The following HEMK2 variants were observed in gnomAD, a reference collection of about 807,000 sequenced individuals.
HEMK2 encodes the protein methyltransferase HEMK2.
the HEMK2 span, among the ~76,000 whole-genome samples, chr21:28,576,654 C>A: frequency 6.6e-6 from 1 of 152,052 alleles, no homozygotes; most frequent in Non-Finnish European, 1.5e-5. Context: ...TATGAAGATG[C>A]ACTCTAATGT....
At chr21:28,873,748 T>C in the HEMK2 span, 7 of 152,214 alleles carry the variant, frequency 4.6e-5, no homozygotes, top group African/African-American at 1.7e-4. Context: ...CATTTGTCTA[T>C]TGAGTTAGAG....
chr21:28,753,769 C>T, the HEMK2 span, among the ~76,000 whole-genome samples: 17 of 152,258 alleles, frequency 1.1e-4, no homozygotes, highest in East Asian at 2.9e-3. Flanking sequence ...TTATGAAATT[C>T]TTTTCTATAA....
the HEMK2 span, among the ~76,000 whole-genome samples, chr21:28,718,805 A>T: frequency 6.6e-6 from 1 of 152,178 alleles, no homozygotes; most frequent in African/African-American, 2.4e-5. Context: ...CAAAAGAGAT[A>T]AAAGGTGAGG....
At chr21:28,877,850 A>G in the HEMK2 span, among the ~76,000 whole-genome samples, 57 of 152,360 alleles carry the variant, frequency 3.7e-4, 2 homozygotes, top group Middle Eastern at 0.01. Flanking sequence ...ACTAAAGAGT[A>G]CAGCACAATT....
At chr21:28,751,660 C>T in the HEMK2 span, among the ~76,000 whole-genome samples, 2 of 152,104 alleles carry the variant, frequency 1.3e-5, no homozygotes, top group Admixed American at 6.6e-5. Flanking sequence ...TTCAGAACCA[C>T]CATAAGCAAA....
chr21:28,863,718 T>C, the HEMK2 span, among the ~76,000 whole-genome samples: 1 of 152,152 alleles, frequency 6.6e-6, no homozygotes, highest in African/African-American at 2.4e-5. Flanking sequence ...GGAGAGACTG[T>C]CTGTCATTTC....
At chr21:28,705,033 G>A in the HEMK2 span, among the ~76,000 whole-genome samples, 1 of 152,050 alleles carries the variant, frequency 6.6e-6, no homozygotes, top group Non-Finnish European at 1.5e-5. Flanking sequence ...TCTCCCTCTA[G>A]GCATCTTTGG....
At chr21:28,672,355 A>G in the HEMK2 span, among the ~76,000 whole-genome samples, 3 of 152,008 alleles carry the variant, frequency 2.0e-5, no homozygotes, top group Admixed American at 1.3e-4. Flanking sequence ...GATGTAGAAA[A>G]TGGTATTGAC....
the HEMK2 span, among the ~76,000 whole-genome samples, chr21:28,783,075 T>G: frequency 6.6e-6 from 1 of 152,232 alleles, no homozygotes; most frequent in Non-Finnish European, 1.5e-5. Context: ...ATTTTGGATT[T>G]TTTTCAGATT....
At chr21:28,754,778 G>A in the HEMK2 span, among the ~76,000 whole-genome samples, 1 of 152,090 alleles carries the variant, frequency 6.6e-6, no homozygotes, top group Non-Finnish European at 1.5e-5. Context: ...ACTTTGTTGG[G>A]CTTAACAGGG....
chr21:28,748,328 A>G, the HEMK2 span, among the ~76,000 whole-genome samples: 12 of 152,250 alleles, frequency 7.9e-5, no homozygotes. Context: ...AAGAATATAA[A>G]TTAATAATGA....
chr21:28,637,882 A>T, the HEMK2 span, among the ~76,000 whole-genome samples: 1 of 152,226 alleles, frequency 6.6e-6, no homozygotes, highest in African/African-American at 2.4e-5. Flanking sequence ...TGAATCCATA[A>T]AGTATATCTC....
the HEMK2 span, among the ~76,000 whole-genome samples, chr21:28,655,494 T>C: frequency 6.6e-6 from 1 of 152,164 alleles, no homozygotes; most frequent in Non-Finnish European, 1.5e-5. Flanking sequence ...CTCAATTGAA[T>C]TAAAAACTCT....
the HEMK2 span, among the ~76,000 whole-genome samples, chr21:28,788,326 G>A: frequency 2.0e-5 from 3 of 150,612 alleles, no homozygotes; most frequent in Non-Finnish European, 3.0e-5. Context: ...ATACATATAT[G>A]ATGGAATACT....
the HEMK2 span, among the ~76,000 whole-genome samples, chr21:28,787,614 A>G: frequency 2.0e-5 from 3 of 152,212 alleles, no homozygotes; most frequent in Non-Finnish European, 4.4e-5. Flanking sequence ...AAAATGCTCA[A>G]CGTTACTAAT....
At chr21:28,780,951 A>C in the HEMK2 span, among the ~76,000 whole-genome samples, 1 of 152,138 alleles carries the variant, frequency 6.6e-6, no homozygotes, top group African/African-American at 2.4e-5. Flanking sequence ...GGCTACACTT[A>C]TCCTGCAGTG....
the HEMK2 span, among the ~76,000 whole-genome samples, chr21:28,677,183 C>T: frequency 3.3e-5 from 5 of 152,150 alleles, no homozygotes; most frequent in East Asian, 3.9e-4. Flanking sequence ...CCTGGAAAAT[C>T]GGGTCACCTC....
chr21:28,720,944 T>A, the HEMK2 span, among the ~76,000 whole-genome samples: 2 of 152,080 alleles, frequency 1.3e-5, no homozygotes, highest in Admixed American at 6.6e-5. Context: ...ACACAAACTA[T>A]CCATGGCAAA....
the HEMK2 span, among the ~76,000 whole-genome samples, chr21:28,643,970 GAGA>G: frequency 1.3e-5 from 2 of 152,192 alleles, no homozygotes; most frequent in Non-Finnish European, 2.9e-5. Context: ...AACTGCATGT[GAGA>G]AGGTTCCATG....
Sources: gnomAD v4.1 joint callset for allele counts (sites outside exome capture counted in the v4.1 genomes callset) on GRCh38, gnomAD v4.1.1 for gene constraint, MANE v1.5 for transcripts, NCBI Gene and HGNC (gene_info 2026-07-23, HGNC 2026-07-21) for gene names.